ADCY5: variants seen among roughly 807,000 people sequenced by gnomAD.
ADCY5 encodes the protein adenylate cyclase type 5.
In ADCY5, 30 loss-of-function variants were observed where a neutral mutation model predicts 119.7. That is an observed-to-expected ratio of 0.25 (90% confidence interval 0.19 to 0.34). The LOEUF (loss-of-function observed/expected upper bound fraction) is 0.34. Ranked by LOEUF, ADCY5 falls within the 10% of genes least tolerant of loss-of-function variation. The probability of loss-of-function intolerance (pLI) is 1.00; values close to 1 mark genes in which losing one functional copy is unlikely to be tolerated. For missense variants in ADCY5, 1,324 were observed against 1,775.2 expected, an observed-to-expected ratio of 0.75 and a Z score of 4.57; for synonymous variants, 753 against 762.2, an observed-to-expected ratio of 0.99 and a Z score of 0.20.
chr3:123,420,461 TAAGA>T (rs1305199275), intron 1 of ADCY5, among the ~76,000 whole-genome samples: 2 of 152,036 alleles, frequency 1.3e-5, no homozygotes, highest in African/African-American at 2.4e-5. Context: ...GGAAGTGCGC[TAAGA>T]AAGAGGTGAG....
In ADCY5 at chr3:123,330,872, G is replaced by T. The variant is rs370497825; in HGVS notation, c.1646+17C>A. On this transcript the variant is annotated intron_variant, in intron 5 of 20. Coordinates refer to ENST00000462833, the MANE Select transcript of ADCY5 (RefSeq NM_183357.3). ...AGTCCCAGGGAGGGAGACGGTACCC[G>T]GGGGGTGGACACTTACGAGATGGCC... 1.3e-6 allele frequency: 2 copies of T among 1,597,748 alleles called. No homozygotes were observed. The highest frequency in any genetic ancestry group is 1.3e-5 in the African/African-American group (1 of 74,172).
intron 8 of ADCY5, among the ~76,000 whole-genome samples, chr3:123,322,307 T>C (rs969609169): frequency 2.0e-5 from 3 of 152,194 alleles, no homozygotes; most frequent in South Asian, 2.1e-4. Context: ...GGTTCAAAAA[T>C]AGGCCGAAAT....
At chr3:123,351,434 T>C (rs913055497) in intron 2 of ADCY5, among the ~76,000 whole-genome samples, 3 of 152,204 alleles carry the variant, frequency 2.0e-5, no homozygotes, top group Admixed American at 6.5e-5. Context: ...AGACCTTCCA[T>C]GTTCATATCA....
intron 1 of ADCY5, among the ~76,000 whole-genome samples, chr3:123,378,859 T>A (rs12629585): frequency 0.47 from 71,545 of 151,582 alleles, 17,584 homozygotes; most frequent in East Asian, 0.68. Flanking sequence ...CATTCCCCCT[T>A]GCCAGGGTTA....
intron 1 of ADCY5, among the ~76,000 whole-genome samples, chr3:123,368,583 C>T (rs992540317): frequency 2.0e-5 from 3 of 152,148 alleles, no homozygotes; most frequent in Admixed American, 1.3e-4. Flanking sequence ...GGCGACAGAT[C>T]GAGACTGTCT....
chr3:123,368,125 C>A (rs964905273), intron 1 of ADCY5: 2 of 1,239,052 alleles, frequency 1.6e-6, no homozygotes, highest in African/African-American at 3.1e-5. Flanking sequence ...AGTCTTGTGA[C>A]TCGGAGCCAG....
intron 10 of ADCY5, among the ~76,000 whole-genome samples, chr3:123,319,071 C>T (rs993413883): frequency 3.9e-5 from 6 of 152,174 alleles, no homozygotes; most frequent in African/African-American, 1.4e-4. Flanking sequence ...TACATAGAAA[C>T]TGCTGGGCAT....
intron 15 of ADCY5, among the ~76,000 whole-genome samples, chr3:123,297,883 C>T (rs901630322): frequency 2.6e-5 from 4 of 152,092 alleles, no homozygotes; most frequent in African/African-American, 9.7e-5. Context: ...AATTTTATAT[C>T]GATTATATCT....
intron 3 of ADCY5, among the ~76,000 whole-genome samples, chr3:123,340,943 G>T (rs1277156732): frequency 6.6e-6 from 1 of 151,784 alleles, no homozygotes; most frequent in East Asian, 1.9e-4. Context: ...TGGCCAAAAT[G>T]GTGAAACCCC....
At chr3:123,366,396 A>C (rs370033833) in intron 1 of ADCY5, among the ~76,000 whole-genome samples, 13 of 152,334 alleles carry the variant, frequency 8.5e-5, no homozygotes, top group African/African-American at 3.1e-4. Context: ...GGTCATTCCC[A>C]AAGGCTCAGA....
At chr3:123,447,066 G>C (rs1945829511) in intron 1 of ADCY5, among the ~76,000 whole-genome samples, 1 of 152,134 alleles carries the variant, frequency 6.6e-6, no homozygotes, top group African/African-American at 2.4e-5. Flanking sequence ...TTTCGTTAGG[G>C]GCCTTTTGTA....
At position 123,300,169 on chromosome 3, in the gene ADCY5, C is replaced by A; in HGVS notation, c.2851G>T (p.Gly951Cys). The A allele has an allele frequency of 6.2e-7, 1 of 1,613,890 alleles. No homozygotes were observed. The highest frequency in any genetic ancestry group is 2.2e-5 in the East Asian group (1 of 44,882). The change falls in exon 15 of 21, where the codon GGT becomes TGT. Residue 951 changes from glycine to cysteine, a missense_variant. Transcript: ENST00000462833. ...LIYVLIVEVP[G>C]VTLFDNADLL... is the part of the protein sequence containing the mutation. The stretch of plus-strand genomic sequence containing the variant: ...TCGGCGTTGTCGAAGAGCGTGACAC[C>A]TGGCACCTCCACGATGAGCACGTAG...
chr3:123,440,036 G>A (rs144023613), intron 1 of ADCY5, among the ~76,000 whole-genome samples: 18 of 152,334 alleles, frequency 1.2e-4, no homozygotes, highest in South Asian at 4.1e-4. Flanking sequence ...GCCGAGCTGC[G>A]TCGCTTCCTT....
chr3:123,414,847 C>G (rs1945147956), intron 1 of ADCY5, among the ~76,000 whole-genome samples: 1 of 152,164 alleles, frequency 6.6e-6, no homozygotes, highest in African/African-American at 2.4e-5. Context: ...CACAAGCCAC[C>G]CTGCCCGGCC....
intron 1 of ADCY5, among the ~76,000 whole-genome samples, chr3:123,429,886 C>T (rs1319903398): frequency 2.0e-5 from 3 of 152,170 alleles, no homozygotes; most frequent in Non-Finnish European, 2.9e-5. Context: ...TGTTCCTCCC[C>T]AGCTCACCTG....
chr3:123,345,769 G>GACACACAGACAGACACACACAC lies in ADCY5; in HGVS notation c.1406+2012_1406+2013insGTGTGTGTGTCTGTCTGTGTGT, dbSNP rs1553731376. 2.6e-5 allele frequency among the ~76,000 whole-genome samples: 3 copies of GACACACAGACAGACACACACAC among 113,836 alleles called. No homozygotes were observed. The South Asian group carries it at 1.0e-3, about 39-fold the overall frequency. 74.7% of individuals were successfully genotyped at this position (113,836 alleles called of 152,430 possible). On this transcript the variant is annotated intron_variant, in intron 3 of 20. Coordinates refer to ENST00000462833, the MANE Select transcript of ADCY5 (RefSeq NM_183357.3). ...AGACAGACAGACAGACAGACAGACA[G>GACACACAGACAGACACACACAC]ACACACACACACACACACACACACA...
intron 12 of ADCY5, among the ~76,000 whole-genome samples, chr3:123,311,050 T>C (rs1200593558): frequency 6.6e-6 from 1 of 152,184 alleles, no homozygotes; most frequent in Non-Finnish European, 1.5e-5. Flanking sequence ...AAGGTTAAAA[T>C]ATGGACAGTT....
At chr3:123,306,536 T>G (rs1212724637) in intron 12 of ADCY5, among the ~76,000 whole-genome samples, 1 of 152,222 alleles carries the variant, frequency 6.6e-6, no homozygotes, top group Admixed American at 6.5e-5. Flanking sequence ...TAAATTGGAC[T>G]TTATCAAAAT....
chr3:123,352,432 C>A lies in ADCY5; in HGVS notation c.1284G>T (p.Gln428His). The A allele has an allele frequency of 1.9e-6, 3 of 1,611,454 alleles. No individual in the cohort carries two copies. In the South Asian group the frequency reaches 3.3e-5, roughly 18 times the overall value. The change falls in exon 2 of 21, where the codon CAG becomes CAT. Residue 428 changes from glutamine (Q) to histidine (H), a missense_variant and splice_region_variant. By Grantham distance (24) the Gln-to-His change is conservative (BLOSUM62 0). Coordinates refer to ENST00000462833, the MANE Select transcript of ADCY5 (RefSeq NM_183357.3). This position sits in a 1 kb window ranked among gnomAD's most constrained non-coding sequence, Gnocchi z 4.8. ...RLHSQRENQQ[Q>H]ERLLLSVLPR... ...GTGCAAGGGCAGGGGCCTCACTCAC[C>A]TGCTGCTGGTTCTCCCGCTGCGAGT...
Sources: allele counts gnomAD v4.1 joint callset (sites outside exome capture counted in the v4.1 genomes callset), GRCh38; gene constraint gnomAD v4.1.1; non-coding constraint Gnocchi (gnomAD v3.1); transcripts MANE v1.5; gene names NCBI Gene and HGNC (gene_info 2026-07-23, HGNC 2026-07-21).